BABAM2: variants seen among roughly 807,000 people sequenced by gnomAD.
BABAM2 encodes the protein BRISC and BRCA1-A complex member 2.
BABAM2 carries 31 observed loss-of-function variants against 54.7 expected under a neutral mutation model. The observed-to-expected ratio is 0.57, with a 90% CI of 0.43 to 0.77. The LOEUF is 0.77. Among genes scored for constraint, BABAM2 ranks in the 30% least tolerant of loss-of-function variants. BABAM2 has a pLI of 0.00. For missense variants in BABAM2, 364 were observed against 455.8 expected, an observed-to-expected ratio of 0.80 and a Z score of 1.83; for synonymous variants, 167 against 162.9, an observed-to-expected ratio of 1.03 and a Z score of -0.19.
intron 3 of BABAM2, among the ~76,000 whole-genome samples, chr2:27,965,495 G>A (rs753850715): frequency 3.9e-5 from 6 of 151,928 alleles, no homozygotes; most frequent in Non-Finnish European, 5.9e-5. Context: ...AATTCCGAGC[G>A]TCATATCGTG....
intron 7 of BABAM2, among the ~76,000 whole-genome samples, chr2:28,141,911 G>A (rs1671099211): frequency 6.6e-6 from 1 of 152,088 alleles, no homozygotes; most frequent in Admixed American, 6.5e-5. Context: ...TGCTGTAGAA[G>A]GTATGTTATG....
At chr2:27,901,782 C>T (rs769986291) in intron 2 of BABAM2, among the ~76,000 whole-genome samples, 22 of 152,166 alleles carry the variant, frequency 1.4e-4, no homozygotes, top group Admixed American at 1.2e-3. Flanking sequence ...TTTAGTTGTT[C>T]ACTTAACTTT....
intron 6 of BABAM2, among the ~76,000 whole-genome samples, chr2:28,081,143 G>A (rs934843894): frequency 6.6e-6 from 1 of 152,156 alleles, no homozygotes; most frequent in East Asian, 1.9e-4. Context: ...GCAGGAAAAC[G>A]TAGTGCAGCC....
intron 3 of BABAM2, among the ~76,000 whole-genome samples, chr2:27,962,512 G>T (rs942934078): frequency 1.3e-5 from 2 of 151,990 alleles, no homozygotes; most frequent in Non-Finnish European, 2.9e-5. Context: ...GAAAAAATTG[G>T]GTTTTCATTT....
intron 10 of BABAM2, among the ~76,000 whole-genome samples, chr2:28,257,947 C>A (rs1054572497): frequency 6.6e-6 from 1 of 152,026 alleles, no homozygotes; most frequent in Non-Finnish European, 1.5e-5. Flanking sequence ...GAGGCTGATG[C>A]GGGCAGATCA....
At chr2:28,206,609 A>T (rs1678870134) in intron 7 of BABAM2, among the ~76,000 whole-genome samples, 2 of 152,150 alleles carry the variant, frequency 1.3e-5, no homozygotes, top group South Asian at 4.1e-4. Context: ...CTTCTGGCCA[A>T]GTCTTGTGTC....
chr2:28,061,663 CAT>C (rs920213972), intron 6 of BABAM2, among the ~76,000 whole-genome samples: 20 of 148,504 alleles, frequency 1.3e-4, no homozygotes, highest in African/African-American at 2.7e-4. Flanking sequence ...TATTTGTTGA[CAT>C]ATATATATAT....
At chr2:28,227,679 C>T (rs988417709) in intron 7 of BABAM2, among the ~76,000 whole-genome samples, 1 of 152,166 alleles carries the variant, frequency 6.6e-6, no homozygotes, top group African/African-American at 2.4e-5. Flanking sequence ...TCCCATGCCA[C>T]GGGGATGGGA....
intron 6 of BABAM2, among the ~76,000 whole-genome samples, chr2:28,084,927 A>G (rs1450991654): frequency 6.6e-6 from 1 of 152,174 alleles, no homozygotes; most frequent in African/African-American, 2.4e-5. Flanking sequence ...TCCCAGCGTC[A>G]TTTTACTTAG....
intron 3 of BABAM2, among the ~76,000 whole-genome samples, chr2:27,930,781 C>G (rs186070902): frequency 6.6e-6 from 1 of 152,278 alleles, no homozygotes; most frequent in African/African-American, 2.4e-5. Context: ...GTCACTATTA[C>G]CAATACTGAA....
At chr2:28,181,090 C>T (rs1675575860) in intron 7 of BABAM2, among the ~76,000 whole-genome samples, 1 of 152,076 alleles carries the variant, frequency 6.6e-6, no homozygotes, top group African/African-American at 2.4e-5. Context: ...TCCACGTGAT[C>T]CAGCAGTCCT....
At chr2:28,056,375 G>T (rs753204134) in intron 6 of BABAM2, among the ~76,000 whole-genome samples, 42 of 152,146 alleles carry the variant, frequency 2.8e-4, no homozygotes, top group Non-Finnish European at 2.2e-4. Context: ...CATAACATCA[G>T]ATTGTATGCC....
intron 7 of BABAM2, among the ~76,000 whole-genome samples, chr2:28,154,277 A>G (rs1672340491): frequency 6.6e-6 from 1 of 152,250 alleles, no homozygotes; most frequent in Non-Finnish European, 1.5e-5. Context: ...TTGGCAAGAG[A>G]GGTCAGTTTT....
chr2:28,245,899 A>G (rs1030141987), intron 10 of BABAM2, among the ~76,000 whole-genome samples: 13 of 152,342 alleles, frequency 8.5e-5, no homozygotes, highest in Non-Finnish European at 5.9e-5. Context: ...GCTTTGGTTA[A>G]AATAGTTCTT....
At chr2:28,165,489 G>C (rs1177955942) in intron 7 of BABAM2, among the ~76,000 whole-genome samples, 1 of 148,704 alleles carries the variant, frequency 6.7e-6, no homozygotes, top group African/African-American at 2.5e-5. Flanking sequence ...AGAGAAAATG[G>C]TGGGGGAAGG....
Position 27,894,678 on chromosome 2 carries a change from A to T in BABAM2, c.122A>T (p.Lys41Ile), listed in dbSNP as rs1470356247. ...ATNCLRITDL[K>I]SGCTSLTPGP... is the part of the protein sequence containing the mutation. ...AACTGTTTGAGGATAACTGACTTAA[A>T]ATCTGGGTATGTACCAGAATGAATT... Residue 41 changes from lysine to isoleucine, a missense_variant, in exon 2 of 12, where the codon AAA becomes ATA. Physicochemically the swap from Lys to Ile is moderately radical, Grantham distance 102 (BLOSUM62 -3). Coordinates refer to ENST00000379624, the MANE Select transcript of BABAM2 (RefSeq NM_199191.3). The T allele has an allele frequency of 1.9e-6, 3 of 1,614,052 alleles. No individual in the cohort carries two copies. Among genetic ancestry groups the T allele is most frequent in the Non-Finnish European group, 2.5e-6 (3 of 1,180,024 alleles).
At chr2:28,286,441 C>T (rs1302983772) in intron 10 of BABAM2, among the ~76,000 whole-genome samples, 2 of 152,106 alleles carry the variant, frequency 1.3e-5, no homozygotes, top group African/African-American at 4.8e-5. Flanking sequence ...CAGAGCACTC[C>T]ACAGTTTGCA....
chr2:28,290,710 A>G (rs758736330), intron 10 of BABAM2, among the ~76,000 whole-genome samples: 17 of 152,188 alleles, frequency 1.1e-4, no homozygotes, highest in Non-Finnish European at 1.8e-4. Flanking sequence ...ATTTTCAGAA[A>G]TGAGGTTTAG....
chr2:27,939,109 T>TGC (rs1311258369), intron 3 of BABAM2, among the ~76,000 whole-genome samples: 2 of 151,960 alleles, frequency 1.3e-5, no homozygotes, highest in Non-Finnish European at 2.9e-5. Context: ...CTGGCCACCA[T>TGC]GCCCAGCTAA....
Sources: allele counts gnomAD v4.1 joint callset (sites outside exome capture counted in the v4.1 genomes callset), GRCh38; gene constraint gnomAD v4.1.1; transcripts MANE v1.5; gene names NCBI Gene and HGNC (gene_info 2026-07-23, HGNC 2026-07-21).